TRABD2A: variants seen among roughly 807,000 people sequenced by gnomAD.
TRABD2A encodes TraB domain containing 2A.
In TRABD2A, 43 loss-of-function variants were observed where a neutral mutation model predicts 45.6. The ratio of observed to expected loss-of-function variants is 0.94; its 90% CI spans 0.74 to 1.22. TRABD2A has a LOEUF of 1.22. TRABD2A is among the 50% of genes most tolerant of loss of function. The probability of loss-of-function intolerance (pLI) is 0.00; values close to 1 mark genes in which losing one functional copy is unlikely to be tolerated. For missense variants in TRABD2A, 642 were observed against 652.4 expected (o/e 0.98, Z 0.17); for synonymous variants, 269 against 265.0 (o/e 1.02, Z -0.15).
chr2:84,848,375 T>TAGATAGATAGAC (rs1315427907), intron 2 of TRABD2A, among the ~76,000 whole-genome samples: 2,409 of 80,160 alleles, frequency 0.03, 28 homozygotes, highest in Non-Finnish European at 0.044. Context: ...GATAGATAGA[T>TAGATAGATAGAC]AGACAGACAG....
Position 84,823,967 on chromosome 2 carries a change from G to T in TRABD2A, c.1320C>A (p.Val440=), listed in dbSNP as rs1351509897. 1 of 1,613,722 alleles carries T rather than the reference G, an allele frequency of 6.2e-7. No individual in the cohort carries two copies. Among genetic ancestry groups the T allele is most frequent in the Admixed American group, 1.7e-5 (1 of 60,004 alleles). ...ACTCGCCTGACCTCTCCTCCAGGCG[G>T]ACCCACAGATCGCTGAATTGCCGGA... is the stretch of plus-strand genomic sequence containing the variant. The part of the protein sequence containing the change: ...PRLRQFSDLW[V]RLEESDIVPQ... The change falls in exon 6 of 7, where the codon GTC becomes GTA. Residue 440 remains valine, a synonymous_variant. Transcript: ENST00000409520.
At chr2:84,851,266 A>G (rs1237001089) in intron 2 of TRABD2A, 1 of 152,208 alleles carries the variant, frequency 6.6e-6, no homozygotes, top group African/African-American at 2.4e-5. Flanking sequence ...GCAAACACTC[A>G]AGGAGATGGG....
rs995736911 is a variant in TRABD2A, at chr2:84,839,044, C to T, written c.991+105G>A. The T allele has an allele frequency of 1.9e-5, 25 of 1,323,534 alleles. No individual in the cohort carries two copies. In the East Asian group the frequency reaches 2.8e-4, roughly 15 times the overall value. 82.0% of individuals were successfully genotyped at this position (1,323,534 alleles called of 1,614,324 possible). A position where few individuals can be genotyped will look rare whatever the true frequency, so the allele number is the denominator to read the frequency against. On this transcript the variant is annotated intron_variant, in intron 4 of 6. Coordinates refer to ENST00000409520, the MANE Select transcript of TRABD2A (RefSeq NM_001277053.2). ...AAGGAAGGTGTCACTCCCTTCATCTCGCTTCATGACTAACACAGGCCCTAA... is the reference window on the plus strand; with the variant it reads ...AAGGAAGGTGTCACTCCCTTCATCTTGCTTCATGACTAACACAGGCCCTAA...
intron 4 of TRABD2A, chr2:84,832,461 A>G: frequency 6.2e-6 from 2 of 325,176 alleles, no homozygotes; most frequent in South Asian, 4.3e-5. Context: ...AAGAGGTGAT[A>G]TGTGAGCAGG....
intron 1 of TRABD2A, among the ~76,000 whole-genome samples, chr2:84,871,065 C>G (rs916142472): frequency 6.6e-6 from 1 of 152,160 alleles, no homozygotes; most frequent in Non-Finnish European, 1.5e-5. Flanking sequence ...AGTCCTACCT[C>G]CAGACATTCT....
chr2:84,869,188 C>G (rs954888329), intron 2 of TRABD2A, among the ~76,000 whole-genome samples: 8 of 152,188 alleles, frequency 5.3e-5, no homozygotes, highest in African/African-American at 1.9e-4. Context: ...TCAAGATCTG[C>G]TAAGGCTGAG....
intron 6 of TRABD2A, 79 bp downstream of exon 6, chr2:84,823,874 A>T: frequency 6.4e-7 from 1 of 1,558,104 alleles, no homozygotes; most frequent in East Asian, 2.3e-5. Context: ...CTCCCATTGC[A>T]ACCAGTGTGA....
intron 1 of TRABD2A, among the ~76,000 whole-genome samples, chr2:84,872,287 T>C (rs1368602982): frequency 6.6e-6 from 1 of 152,154 alleles, no homozygotes; most frequent in Non-Finnish European, 1.5e-5. Flanking sequence ...GGCAGGCAGA[T>C]CACTTGAGCT....
At position 84,836,988 on chromosome 2, in the gene TRABD2A, T is replaced by TTTG. The variant is rs1219606850; in HGVS notation, c.991+2160_991+2161insCAA. ...CTTTAGATATGGTTAATTTTAGGGT[T>TTTG]TTTTTTTTTTTTTTTTTTTTTGGAG... On this transcript the variant is annotated intron_variant, in intron 4 of 6. Coordinates refer to ENST00000409520, the MANE Select transcript of TRABD2A (RefSeq NM_001277053.2). 1.8e-3 allele frequency: 237 copies of TTTG among 131,854 alleles called. 3 individuals are homozygous for TTTG. Among genetic ancestry groups the TTTG allele is most frequent in the African/African-American group, 6.8e-3 (219 of 32,130 alleles). The allele number at this position is 131,854 out of a possible 1,614,324, so 8.2% of individuals were successfully genotyped here. A position where few individuals can be genotyped will look rare whatever the true frequency, so the allele number is the denominator to read the frequency against.
intron 5 of TRABD2A, among the ~76,000 whole-genome samples, chr2:84,829,822 C>T (rs1681272284): frequency 6.7e-6 from 1 of 148,658 alleles, no homozygotes; most frequent in Non-Finnish European, 1.5e-5. Context: ...CACACAGGTA[C>T]CAAACAACAC....
intron 5 of TRABD2A, 119 bp from the exon 6 acceptor site, chr2:84,824,323 G>C: frequency 7.3e-7 from 1 of 1,370,900 alleles, no homozygotes; most frequent in Non-Finnish European, 9.8e-7. Context: ...AGTTCAAGCT[G>C]GCCAGGAAGG....
chr2:84,859,231 T>C (rs755766612), intron 2 of TRABD2A, among the ~76,000 whole-genome samples: 3 of 152,202 alleles, frequency 2.0e-5, no homozygotes, highest in Non-Finnish European at 4.4e-5. Context: ...AGGGTAAAGA[T>C]GGAAACAGCC....
intron 1 of TRABD2A, among the ~76,000 whole-genome samples, chr2:84,879,376 C>G (rs893586725): frequency 6.6e-6 from 1 of 152,010 alleles, no homozygotes; most frequent in Non-Finnish European, 1.5e-5. Context: ...AGACAAGGGT[C>G]TCGCCATGTT....
At chr2:84,829,776 CACCACACACACCCCACAT>C (rs1027479164) in intron 5 of TRABD2A, among the ~76,000 whole-genome samples, 1 of 150,032 alleles carries the variant, frequency 6.7e-6, no homozygotes. Context: ...ATCCACACTA[CACCACACACACCCCACAT>C]ACCACACACA....
At chr2:84,855,752 C>T (rs903506391) in intron 2 of TRABD2A, among the ~76,000 whole-genome samples, 1 of 152,082 alleles carries the variant, frequency 6.6e-6, no homozygotes, top group African/African-American at 2.4e-5. Context: ...TTGCAGCAGA[C>T]CTTTTTCTCT....
chr2:84,838,183 C>T, intron 4 of TRABD2A: 1 of 716,768 alleles, frequency 1.4e-6, no homozygotes, highest in Non-Finnish European at 2.6e-6. Context: ...AACCATTAGG[C>T]AAACAGTTTT....
chr2:84,822,280 A>G (rs1681024246), intron 6 of TRABD2A, among the ~76,000 whole-genome samples, 180 bp from the exon 7 acceptor site: 1 of 152,202 alleles, frequency 6.6e-6, no homozygotes, highest in Non-Finnish European at 1.5e-5. Flanking sequence ...GGCCACTGCT[A>G]CCAGAAAACC....
At chr2:84,849,646 G>A (rs1294432866) in intron 2 of TRABD2A, 1 of 152,204 alleles carries the variant, frequency 6.6e-6, no homozygotes, top group African/African-American at 2.4e-5. Flanking sequence ...ACACAGGCAA[G>A]GCTGGAAACC....
chr2:84,845,091 C>T (rs567624073), intron 2 of TRABD2A, among the ~76,000 whole-genome samples: 1 of 152,312 alleles, frequency 6.6e-6, no homozygotes, highest in South Asian at 2.1e-4. Flanking sequence ...TGGCTCACAC[C>T]TGTGATCCCA....
Sources: gnomAD v4.1 joint callset for allele counts (sites outside exome capture counted in the v4.1 genomes callset) on GRCh38, gnomAD v4.1.1 for gene constraint, MANE v1.5 for transcripts, NCBI Gene and HGNC (gene_info 2026-07-23, HGNC 2026-07-21) for gene names.